FAM193A: variants seen among roughly 807,000 people sequenced by gnomAD.
FAM193A encodes the protein family with sequence similarity 193 member A, also known as protein FAM193A.
In FAM193A, 22 loss-of-function variants were observed where a neutral mutation model predicts 126.5. The observed-to-expected ratio is 0.17, with a 90% confidence interval of 0.12 to 0.25. The LOEUF (loss-of-function observed/expected upper bound fraction) is 0.25. Ranked by LOEUF, FAM193A falls within the 10% of genes least tolerant of loss-of-function variation. The pLI, the probability that FAM193A is intolerant of heterozygous loss-of-function variation, is 1.00. For missense variants in FAM193A, 1,675 were observed against 1,672.8 expected, an observed-to-expected ratio of 1.00 and a Z score of -0.02; for synonymous variants, 761 against 646.8, an observed-to-expected ratio of 1.18 and a Z score of -2.68.
intron 13 of FAM193A, among the ~76,000 whole-genome samples, chr4:2,679,598 G>A (rs542010678): frequency 1.6e-4 from 25 of 151,600 alleles, no homozygotes; most frequent in Non-Finnish European, 3.4e-4. Flanking sequence ...AGCTGGTCTC[G>A]AACTCCCGAC....
intron 20 of FAM193A, among the ~76,000 whole-genome samples, chr4:2,719,186 T>C (rs1719850029): frequency 6.6e-6 from 1 of 152,094 alleles, no homozygotes; most frequent in African/African-American, 2.4e-5. Context: ...TCAAAAATCC[T>C]AAAGAAAATA....
At chr4:2,674,017 A>G (rs1193236883) in intron 13 of FAM193A, among the ~76,000 whole-genome samples, 1 of 152,230 alleles carries the variant, frequency 6.6e-6, no homozygotes, top group African/African-American at 2.4e-5. Flanking sequence ...TAGAAAAGCA[A>G]ATATGGAGTC....
At chr4:2,717,446 A>C (rs571255176) in intron 20 of FAM193A, among the ~76,000 whole-genome samples, 2 of 152,090 alleles carry the variant, frequency 1.3e-5, no homozygotes, top group South Asian at 4.2e-4. Flanking sequence ...AAATACAAAA[A>C]TTACCTGGAC....
Position 2,732,050 on chromosome 4 carries a change from T to C in FAM193A, c.*182T>C. On this transcript the variant is annotated 3_prime_UTR_variant, in exon 21 of 21. Transcript: ENST00000637812. ...CCCACGCCGTTAGCTCGTGTGCGTG[T>C]AGTCTGTGCGTGAGACTCCTTCGAT... The C allele has an allele frequency of 1.6e-6, 1 of 622,704 alleles. No individual in the cohort carries two copies. The highest frequency in any genetic ancestry group is 1.8e-5 in the South Asian group (1 of 55,232). The allele number at this position is 622,704 out of a possible 1,614,324, so 38.6% of individuals were successfully genotyped here.
chr4:2,640,220 C>T (rs1744477604), intron 6 of FAM193A, among the ~76,000 whole-genome samples: 1 of 152,110 alleles, frequency 6.6e-6, no homozygotes, highest in South Asian at 2.1e-4. Context: ...GGAAGAGGCC[C>T]AGGTCTGAGG....
At chr4:2,700,578 C>CGATGCCTGGTTTTCCATGTGT (rs752576627) in intron 19 of FAM193A, 34 bp downstream of exon 19, 10 of 1,581,304 alleles carry the variant, frequency 6.3e-6, no homozygotes, top group Non-Finnish European at 8.6e-6. Flanking sequence ...TATTTCTGAG[C>CGATGCCTGGTTTTCCATGTGT]GATGCCTGGT....
chr4:2,545,802 C>T (rs1255530529), intron 1 of FAM193A, among the ~76,000 whole-genome samples: 2 of 152,322 alleles, frequency 1.3e-5, no homozygotes, highest in South Asian at 2.1e-4. Context: ...CCACCTCAGC[C>T]TCCCAGGTAG....
chr4:2,552,252 C>G (rs1302196157), intron 1 of FAM193A, among the ~76,000 whole-genome samples: 3 of 151,980 alleles, frequency 2.0e-5, no homozygotes, highest in Admixed American at 1.3e-4. Context: ...ACCTCATGAT[C>G]CGCCCGCCTC....
At chr4:2,643,961 T>A (rs1560513780) in intron 6 of FAM193A, among the ~76,000 whole-genome samples, 1 of 152,266 alleles carries the variant, frequency 6.6e-6, no homozygotes, top group Non-Finnish European at 1.5e-5. Context: ...CCCAAACCAA[T>A]GTTATTTCAT....
intron 6 of FAM193A, among the ~76,000 whole-genome samples, chr4:2,642,886 C>T (rs931278522): frequency 2.6e-5 from 4 of 152,020 alleles, no homozygotes; most frequent in African/African-American, 9.7e-5. Flanking sequence ...GCGCCCGCCA[C>T]CACACCCGGC....
intron 20 of FAM193A, chr4:2,719,901 C>G: frequency 4.4e-6 from 1 of 224,980 alleles, no homozygotes; most frequent in South Asian, 4.0e-5. Context: ...AGCAGTCCTC[C>G]CACCTCAGCC....
intron 1 of FAM193A, among the ~76,000 whole-genome samples, chr4:2,591,384 A>G (rs1393427155): frequency 6.6e-6 from 1 of 152,118 alleles, no homozygotes; most frequent in Non-Finnish European, 1.5e-5. Flanking sequence ...AGCAGGAACA[A>G]TCGAAGGGTT....
chr4:2,641,964 C>G (rs550407121), intron 6 of FAM193A, among the ~76,000 whole-genome samples: 1 of 150,968 alleles, frequency 6.6e-6, no homozygotes, highest in Non-Finnish European at 1.5e-5. Flanking sequence ...GGGCCAGGTG[C>G]GGTGGCTCAT....
At chr4:2,729,744 A>G (rs1299719488) in intron 20 of FAM193A, among the ~76,000 whole-genome samples, 2 of 152,176 alleles carry the variant, frequency 1.3e-5, no homozygotes, top group East Asian at 3.9e-4. Flanking sequence ...CCGAGTAGCT[A>G]GGACCACAGG....
chr4:2,578,120 C>T (rs1202549610), intron 1 of FAM193A, among the ~76,000 whole-genome samples: 1 of 152,072 alleles, frequency 6.6e-6, no homozygotes, highest in Non-Finnish European at 1.5e-5. Context: ...GCTCTATCAC[C>T]CAGTGATGCA....
intron 1 of FAM193A, among the ~76,000 whole-genome samples, chr4:2,582,435 T>G (rs1411401199): frequency 6.6e-6 from 1 of 152,124 alleles, no homozygotes; most frequent in Non-Finnish European, 1.5e-5. Flanking sequence ...TCGTACTTGG[T>G]CAGTGTTTAT....
chr4:2,610,811 C>T (rs1303690921), intron 2 of FAM193A, among the ~76,000 whole-genome samples: 1 of 152,010 alleles, frequency 6.6e-6, no homozygotes, highest in Non-Finnish European at 1.5e-5. Flanking sequence ...GATCTCGGCT[C>T]ACCGCAGCCT....
chr4:2,565,481 C>A (rs929347565), intron 1 of FAM193A, among the ~76,000 whole-genome samples: 1 of 151,990 alleles, frequency 6.6e-6, no homozygotes, highest in African/African-American at 2.4e-5. Context: ...TGTTCTCGAT[C>A]TCTGGACTTC....
intron 1 of FAM193A, among the ~76,000 whole-genome samples, chr4:2,543,793 G>A (rs7376157): frequency 2.0e-5 from 3 of 150,082 alleles, no homozygotes; most frequent in Non-Finnish European, 3.0e-5. Flanking sequence ...GGGGTGGGGG[G>A]TGCAGGGCTG....
Sources: allele counts gnomAD v4.1 joint callset (sites outside exome capture counted in the v4.1 genomes callset), GRCh38; gene constraint gnomAD v4.1.1; transcripts MANE v1.5; gene names NCBI Gene and HGNC (gene_info 2026-07-23, HGNC 2026-07-21).